Variants in CHEK1 observed in about 807,000 individuals in gnomAD.
The protein encoded by CHEK1 is serine/threonine-protein kinase Chk1.
In CHEK1, 32 loss-of-function variants were observed where a neutral mutation model predicts 60.2. That is an observed-to-expected ratio of 0.53 (90% CI 0.40 to 0.71). CHEK1 has a LOEUF of 0.71. Ranked by LOEUF, CHEK1 falls within the 30% of genes least tolerant of loss-of-function variation. CHEK1 has a pLI of 0.00. For missense variants in CHEK1, 399 were observed against 564.6 expected (o/e 0.71, Z 2.97); for synonymous variants, 179 against 187.2 (o/e 0.96, Z 0.36).
chr11:125,669,356 T>C (rs576376541), intron 13 of CHEK1, among the ~76,000 whole-genome samples: 5 of 152,198 alleles, frequency 3.3e-5, no homozygotes, highest in South Asian at 2.1e-4. Context: ...TCTCCTCTTG[T>C]TTTCTGCTCT....
chr11:125,630,674 A>G (rs1940830051), intron 5 of CHEK1, among the ~76,000 whole-genome samples: 1 of 152,168 alleles, frequency 6.6e-6, no homozygotes, highest in Non-Finnish European at 1.5e-5. Flanking sequence ...CTGAGTTTAT[A>G]TGACATAAAA....
chr11:125,680,090 C>G (rs1239716811), downstream of CHEK1, among the ~76,000 whole-genome samples: 2 of 152,166 alleles, frequency 1.3e-5, no homozygotes, highest in Non-Finnish European at 2.9e-5. Context: ...TTTTGAAGGT[C>G]TAACAAAGCA....
downstream of CHEK1, chr11:125,678,176 A>C (rs1367278502): frequency 3.7e-6 from 6 of 1,614,098 alleles, no homozygotes; most frequent in African/African-American, 5.3e-5. Context: ...GGCCTGAAGA[A>C]GTCTCATATA....
intron 8 of CHEK1, among the ~76,000 whole-genome samples, chr11:125,638,094 G>A (rs370546501): frequency 2.0e-5 from 3 of 152,154 alleles, no homozygotes; most frequent in African/African-American, 7.2e-5. Flanking sequence ...GGTCGCTAGT[G>A]GCCAATTTGT....
chr11:125,639,004 A>G (rs537518003), intron 8 of CHEK1, among the ~76,000 whole-genome samples: 5 of 152,198 alleles, frequency 3.3e-5, no homozygotes, highest in East Asian at 3.9e-4. Context: ...AATTAATTCT[A>G]TCTCTTCAGT....
intron 1 of CHEK1, chr11:125,626,433 C>T (rs1940612061): frequency 2.2e-6 from 1 of 449,482 alleles, no homozygotes; most frequent in Non-Finnish European, 4.0e-6. Context: ...ACCTCTCCCT[C>T]CTCCTTCCCC....
In CHEK1 at chr11:125,626,773, C is replaced by G. The variant is rs757321404; in HGVS notation, c.5C>G (p.Ala2Gly). The G allele has an allele frequency of 6.2e-7, 1 of 1,614,144 alleles. No homozygotes were observed. Among genetic ancestry groups the G allele is most frequent in the South Asian group, 1.1e-5 (1 of 91,076 alleles). MAVPFVEDWDLV... is the reference protein window; with the variant it reads MGVPFVEDWDLV... Reference sequence around the variant, plus strand: ...GCCGAGGTGCTCGGTGGAGTCATGGCAGTGCCCTTTGTGGAAGACTGGGAC... The same window carrying G: ...GCCGAGGTGCTCGGTGGAGTCATGGGAGTGCCCTTTGTGGAAGACTGGGAC... The change falls in exon 2 of 13, where the codon GCA becomes GGA. Residue 2 changes from alanine (A) to glycine (G), a missense_variant. Ala to Gly is a moderately conservative substitution (Grantham distance 60, BLOSUM62 0). Transcript: ENST00000438015.
intron 11 of CHEK1, among the ~76,000 whole-genome samples, chr11:125,648,056 T>C: frequency 6.6e-6 from 1 of 151,996 alleles, no homozygotes; most frequent in East Asian, 1.9e-4. Context: ...GAATATTTTG[T>C]AGTTTTCAGT....
intron 13 of CHEK1, chr11:125,672,739 T>G: frequency 6.2e-7 from 1 of 1,613,106 alleles, no homozygotes; most frequent in Non-Finnish European, 8.5e-7. Flanking sequence ...AGAGACAGAC[T>G]AGTGAGCAGA....
chr11:125,641,330 G>T (rs1486365756), intron 8 of CHEK1, among the ~76,000 whole-genome samples: 1 of 151,516 alleles, frequency 6.6e-6, no homozygotes, highest in Non-Finnish European at 1.5e-5. Context: ...TCTCTTGATG[G>T]TTTTTTTTCA....
At chr11:125,644,353 A>T (rs1941420625) in intron 10 of CHEK1, 85 bp downstream of exon 10, 1 of 1,467,012 alleles carries the variant, frequency 6.8e-7, no homozygotes, top group Non-Finnish European at 9.2e-7. Context: ...TAAATCTTAG[A>T]TATATAACTT....
At chr11:125,670,610 G>C (rs1205655089) in intron 13 of CHEK1, among the ~76,000 whole-genome samples, 1 of 152,018 alleles carries the variant, frequency 6.6e-6, no homozygotes, top group African/African-American at 2.4e-5. Flanking sequence ...TTTGGTCAGA[G>C]GTTATCCTCA....
At chr11:125,652,947 A>G (rs1941788832) in intron 11 of CHEK1, among the ~76,000 whole-genome samples, 1 of 151,724 alleles carries the variant, frequency 6.6e-6, no homozygotes, top group Non-Finnish European at 1.5e-5. Context: ...TCTTTCATGA[A>G]TCTCTATCTT....
chr11:125,650,452 G>GTTTT (rs1194306968), intron 11 of CHEK1, among the ~76,000 whole-genome samples: 1 of 123,942 alleles, frequency 8.1e-6, no homozygotes, highest in Non-Finnish European at 1.7e-5. Context: ...TTTTTTAGTG[G>GTTTT]TGTTTGTTTT....
At chr11:125,644,676 C>A in intron 11 of CHEK1, 33 bp downstream of exon 11, 1 of 1,600,212 alleles carries the variant, frequency 6.2e-7, no homozygotes, top group Non-Finnish European at 8.5e-7. Context: ...ATACCTTTTC[C>A]TGAAGAAGAA....
intron 3 of CHEK1, 150 bp downstream of exon 3, chr11:125,627,980 GTGT>G: frequency 1.7e-6 from 1 of 589,774 alleles, no homozygotes; most frequent in South Asian, 2.4e-5. Flanking sequence ...TTTCCACCTG[GTGT>G]TAATAACATA....
intron 13 of CHEK1, among the ~76,000 whole-genome samples, chr11:125,669,852 C>T (rs1942171223): frequency 6.6e-6 from 1 of 152,064 alleles, no homozygotes; most frequent in Admixed American, 6.5e-5. Context: ...TTGTATTTAT[C>T]CTCCCTTGAG....
chr11:125,640,191 G>A (rs1304192564), intron 8 of CHEK1, among the ~76,000 whole-genome samples: 1 of 152,174 alleles, frequency 6.6e-6, no homozygotes, highest in Non-Finnish European at 1.5e-5. Context: ...GTCCACTGTG[G>A]TCAACCGAGG....
At chr11:125,643,237 T>C (rs1325832545) in intron 8 of CHEK1, 1 of 147,802 alleles carries the variant, frequency 6.8e-6, no homozygotes, top group Non-Finnish European at 1.5e-5. Flanking sequence ...CCCAGCACTT[T>C]GGGAGGCCGA....
Sources: gnomAD v4.1 joint callset for allele counts (sites outside exome capture counted in the v4.1 genomes callset) on GRCh38, gnomAD v4.1.1 for gene constraint, MANE v1.5 for transcripts, NCBI Gene and HGNC (gene_info 2026-07-23, HGNC 2026-07-21) for gene names.